The following VRTN variants were observed in gnomAD, a reference collection of about 807,000 sequenced individuals.
VRTN encodes vertnin.
VRTN carries 5 observed loss-of-function variants against 18.2 expected under a neutral mutation model. The ratio of observed to expected loss-of-function variants is 0.27; its 90% CI spans 0.14 to 0.58. The LOEUF is 0.58. Among genes scored for constraint, VRTN ranks in the 20% least tolerant of loss-of-function variants. The probability of loss-of-function intolerance (pLI) is 0.91; values close to 1 mark genes in which losing one functional copy is unlikely to be tolerated. For synonymous variants in VRTN, 381 were observed against 393.7 expected, an observed-to-expected ratio of 0.97 and a Z score of 0.38; for missense variants, 741 against 939.4, an observed-to-expected ratio of 0.79 and a Z score of 2.76.
At chr14:74,346,798 C>T (rs2085647294), upstream of VRTN, among the ~76,000 whole-genome samples, 1 of 152,146 alleles carries the variant, frequency 6.6e-6, no homozygotes, top group African/African-American at 2.4e-5. Context: ...GAAAAGCCAA[C>T]AAACCTTTTT....
intron 1 of VRTN, among the ~76,000 whole-genome samples, chr14:74,319,502 T>TA (rs1385034625): frequency 6.6e-6 from 1 of 152,212 alleles, no homozygotes; most frequent in Non-Finnish European, 1.5e-5. Flanking sequence ...AGTGCAACTT[T>TA]AAGGCTTTGG....
intron 2 of VRTN, among the ~76,000 whole-genome samples, chr14:74,340,448 A>G (rs1405708454): frequency 6.0e-5 from 9 of 150,694 alleles, no homozygotes; most frequent in Non-Finnish European, 8.9e-5. Context: ...GTTTCACCAT[A>G]TTGGTCAGGC....
intron 2 of VRTN, among the ~76,000 whole-genome samples, chr14:74,340,327 G>A (rs2085595043): frequency 6.6e-6 from 1 of 152,102 alleles, no homozygotes; most frequent in African/African-American, 2.4e-5. Context: ...GGTCAGGCTG[G>A]TCTCAAACTC....
chr14:74,347,725 G>A (rs1415244967), upstream of VRTN, among the ~76,000 whole-genome samples: 1 of 152,216 alleles, frequency 6.6e-6, no homozygotes, highest in African/African-American at 2.4e-5. Flanking sequence ...TGAGGCCCCT[G>A]GGCCCTAGGT....
rs770161056 is a variant in VRTN, at chr14:74,357,023, G to A, written c.240G>A (p.Lys80=). 6.2e-7 allele frequency: 1 copy of A among 1,609,528 alleles called. No homozygotes were observed. Among genetic ancestry groups the A allele is most frequent in the Admixed American group, 1.7e-5 (1 of 59,826 alleles). The change falls in exon 2 of 2, where the codon AAG becomes AAA. Residue 80 remains lysine (K), a synonymous_variant. Transcript: ENST00000256362. This position sits in a 1 kb window ranked among gnomAD's most constrained non-coding sequence, Gnocchi z 7.8. ...GGAACATGCTGCCGCTGGTGTGCAA[G>A]GGGGAGGGCAGCCTGCTGTTCGAGG... ...APRNMLPLVC[K]GEGSLLFEAA...
At chr14:74,305,084 C>T (rs1038331450) in intron 1 of VRTN, among the ~76,000 whole-genome samples, 3 of 152,056 alleles carry the variant, frequency 2.0e-5, no homozygotes, top group East Asian at 3.9e-4. Context: ...GTAATCCCAG[C>T]GCTTTTGGAG....
chr14:74,308,708 G>T (rs1468705054), intron 1 of VRTN, among the ~76,000 whole-genome samples: 2 of 151,900 alleles, frequency 1.3e-5, no homozygotes, highest in Non-Finnish European at 1.5e-5. Context: ...TAGAGATGGG[G>T]TTTTGCCATG....
At chr14:74,339,617 C>A (rs1195786994) in intron 2 of VRTN, among the ~76,000 whole-genome samples, 1 of 152,056 alleles carries the variant, frequency 6.6e-6, no homozygotes, top group African/African-American at 2.4e-5. Context: ...AGTTCTAGAG[C>A]AGGCTGGGAA....
chr14:74,333,294 A>T (rs556761987), intron 1 of VRTN, among the ~76,000 whole-genome samples: 1 of 152,090 alleles, frequency 6.6e-6, no homozygotes, highest in East Asian at 1.9e-4. Context: ...GAGGCAGGAG[A>T]ACTGCTTGAA....
At chr14:74,314,063 T>C (rs2085404506) in intron 1 of VRTN, among the ~76,000 whole-genome samples, 1 of 152,152 alleles carries the variant, frequency 6.6e-6, no homozygotes, top group African/African-American at 2.4e-5. Flanking sequence ...ATCATAAGGG[T>C]CATGGCCACC....
At chr14:74,313,764 T>C (rs1347003736) in intron 1 of VRTN, among the ~76,000 whole-genome samples, 1 of 152,166 alleles carries the variant, frequency 6.6e-6, no homozygotes, top group Non-Finnish European at 1.5e-5. Flanking sequence ...GAAGATTGCT[T>C]GAGCTCAGGA....
intron 1 of VRTN, among the ~76,000 whole-genome samples, chr14:74,350,570 T>A (rs1273055308): frequency 6.6e-6 from 1 of 152,184 alleles, no homozygotes; most frequent in Non-Finnish European, 1.5e-5. Context: ...TAAAAATCCA[T>A]AAGTTTCTGG....
chr14:74,353,975 T>C (rs1282183229), intron 1 of VRTN, among the ~76,000 whole-genome samples: 1 of 152,166 alleles, frequency 6.6e-6, no homozygotes, highest in African/African-American at 2.4e-5. Context: ...AGTTTCACCA[T>C]GTTAGCCAGG....
At chr14:74,309,833 G>A (rs2085376373) in intron 1 of VRTN, among the ~76,000 whole-genome samples, 1 of 152,122 alleles carries the variant, frequency 6.6e-6, no homozygotes, top group South Asian at 2.1e-4. Flanking sequence ...CATAGATAAA[G>A]GGAAGACAAA....
At chr14:74,337,080 C>T (rs1483642109) in intron 1 of VRTN, among the ~76,000 whole-genome samples, 1 of 152,150 alleles carries the variant, frequency 6.6e-6, no homozygotes, top group South Asian at 2.1e-4. Context: ...TGCAGTGGGT[C>T]ACGCCTGTCA....
chr14:74,319,388 G>A (rs1567039359), intron 1 of VRTN, among the ~76,000 whole-genome samples: 1 of 152,200 alleles, frequency 6.6e-6, no homozygotes, highest in African/African-American at 2.4e-5. Flanking sequence ...ATCAGATTTG[G>A]GTTTGGATGT....
chr14:74,306,772 T>G (rs1002402297), intron 1 of VRTN, among the ~76,000 whole-genome samples: 7 of 151,640 alleles, frequency 4.6e-5, no homozygotes, highest in Non-Finnish European at 8.8e-5. Context: ...TTTTTAAGTT[T>G]TTTTTTTTTT....
At chr14:74,318,973 C>T (rs191694560) in intron 1 of VRTN, among the ~76,000 whole-genome samples, 1 of 152,238 alleles carries the variant, frequency 6.6e-6, no homozygotes, top group African/African-American at 2.4e-5. Context: ...CCTCGGCCTC[C>T]CAAAGTGCTG....
chr14:74,316,413 T>C (rs1861652839), intron 1 of VRTN, among the ~76,000 whole-genome samples: 1 of 151,520 alleles, frequency 6.6e-6, no homozygotes, highest in Non-Finnish European at 1.5e-5. Context: ...CTTGGGAGGC[T>C]GAGGCAGGAG....
Sources: allele counts gnomAD v4.1 joint callset (sites outside exome capture counted in the v4.1 genomes callset), GRCh38; gene constraint gnomAD v4.1.1; non-coding constraint Gnocchi (gnomAD v3.1); transcripts MANE v1.5; gene names NCBI Gene and HGNC (gene_info 2026-07-23, HGNC 2026-07-21).